The following SHANK2 variants were observed in gnomAD, a reference collection of about 807,000 sequenced individuals.
SHANK2 encodes SH3 and multiple ankyrin repeat domains protein 2.
SHANK2 carries 43 observed loss-of-function variants against 133.7 expected under a neutral mutation model. The observed-to-expected ratio is 0.32, with a 90% CI of 0.25 to 0.41. SHANK2 has a LOEUF of 0.41. Ranked by LOEUF, SHANK2 falls within the 10% of genes least tolerant of loss-of-function variation. The pLI, the probability that SHANK2 is intolerant of heterozygous loss-of-function variation, is 1.00. For missense variants in SHANK2, 1,994 were observed against 2,235.8 expected, an observed-to-expected ratio of 0.89 and a Z score of 2.18; for synonymous variants, 1,017 against 952.8, an observed-to-expected ratio of 1.07 and a Z score of -1.24.
At chr11:70,651,802 G>A (rs1555010193) in intron 17 of SHANK2, among the ~76,000 whole-genome samples, 1 of 152,168 alleles carries the variant, frequency 6.6e-6, no homozygotes, top group Non-Finnish European at 1.5e-5. Context: ...CAGTCACCCT[G>A]GGTTCCTGCT....
At chr11:70,681,099 T>G (rs1333217955) in intron 15 of SHANK2, among the ~76,000 whole-genome samples, 3 of 152,172 alleles carry the variant, frequency 2.0e-5, no homozygotes, top group Non-Finnish European at 4.4e-5. Context: ...CACTGGCTGC[T>G]CGGGGATGCC....
chr11:70,479,350 G>A lies in SHANK2; in HGVS notation c.4980-5911C>T, dbSNP rs1328307064. On this transcript the variant is annotated intron_variant, in intron 25 of 25. Coordinates refer to ENST00000601538, the MANE Select transcript of SHANK2 (RefSeq NM_012309.5). The surrounding 1 kb of genome is among the most constrained non-coding windows in gnomAD (Gnocchi z 4.4). ...AAAGTTATTTGAAAATCAAGAGGCT[G>A]TCAGGATAATACTGCAGAGAGCCCA... Among the ~76,000 whole-genome samples, 1 of 152,210 alleles carries A rather than the reference G, an allele frequency of 6.6e-6. No homozygotes were observed. The highest frequency in any genetic ancestry group is 6.5e-5 in the Admixed American group (1 of 15,272).
At chr11:70,770,074 T>C (rs1947214311) in intron 14 of SHANK2, among the ~76,000 whole-genome samples, 1 of 152,242 alleles carries the variant, frequency 6.6e-6, no homozygotes, top group African/African-American at 2.4e-5. Context: ...CTGGGCCCTC[T>C]GGCTCCCTCT....
At position 70,472,441 on chromosome 11, in the gene SHANK2, C is replaced by A; in HGVS notation, c.*428G>T. On this transcript the variant is annotated 3_prime_UTR_variant, in exon 26 of 26. Transcript: ENST00000601538. The surrounding 1 kb of genome is among the most constrained non-coding windows in gnomAD (Gnocchi z 4.4). The stretch of plus-strand genomic sequence containing the variant: ...ACAGGACTGAGGAAAGGCCTCATGC[C>A]GGGGCCTGGGGTGGTGAGAGCTGCC... 4.0e-6 allele frequency: 1 copy of A among 251,328 alleles called. No homozygotes were observed. The highest frequency in any genetic ancestry group is 5.3e-5 in the South Asian group (1 of 18,742). The allele number at this position is 251,328 out of a possible 1,614,324, so 15.6% of individuals were successfully genotyped here. A position where few individuals can be genotyped will look rare whatever the true frequency, so the allele number is the denominator to read the frequency against.
At chr11:70,594,436 G>A (rs1258351687) in intron 17 of SHANK2, among the ~76,000 whole-genome samples, 1 of 152,172 alleles carries the variant, frequency 6.6e-6, no homozygotes, top group Admixed American at 6.5e-5. Context: ...TTTCTACGTG[G>A]GGTGGGTTCT....
chr11:70,478,319 T>C (rs980141306), intron 25 of SHANK2, among the ~76,000 whole-genome samples: 2 of 152,112 alleles, frequency 1.3e-5, no homozygotes, highest in Non-Finnish European at 2.9e-5. Flanking sequence ...GGCCAGGGGC[T>C]GGTCAGTGAT....
rs142399870 is a variant in SHANK2, at chr11:70,740,850, G to C, written c.1778-42087C>G. 2.0e-5 allele frequency among the ~76,000 whole-genome samples: 3 copies of C among 152,272 alleles called. No homozygotes were observed. In the East Asian group the frequency reaches 5.8e-4, roughly 29 times the overall value. On this transcript the variant is annotated intron_variant, in intron 14 of 25. Coordinates refer to ENST00000601538, the MANE Select transcript of SHANK2 (RefSeq NM_012309.5). ...AAGGCCAGTCTGGTCCTATCCAGCAGATGGGAAAGGGCAGAATCCCTCACT... is the reference window on the plus strand; with the variant it reads ...AAGGCCAGTCTGGTCCTATCCAGCACATGGGAAAGGGCAGAATCCCTCACT...
chr11:71,201,520 T>TGGCGGG (rs1277336910), intron 2 of SHANK2, among the ~76,000 whole-genome samples: 2 of 152,232 alleles, frequency 1.3e-5, no homozygotes, highest in African/African-American at 4.8e-5. Context: ...CGGTCACTGA[T>TGGCGGG]GGCGGTCACC....
At chr11:70,875,822 C>T (rs1590786228) in intron 11 of SHANK2, among the ~76,000 whole-genome samples, 3 of 149,084 alleles carry the variant, frequency 2.0e-5, no homozygotes, top group Admixed American at 1.3e-4. Flanking sequence ...CACTGCTGCA[C>T]ACCAGCTGGG....
chr11:70,844,421 G>A (rs183508217), intron 11 of SHANK2, among the ~76,000 whole-genome samples: 2 of 152,178 alleles, frequency 1.3e-5, no homozygotes, highest in East Asian at 3.9e-4. Context: ...CAGCATTCTC[G>A]ACAAGGGGAT....
chr11:70,541,591 C>A (rs995863622), intron 17 of SHANK2, among the ~76,000 whole-genome samples: 2 of 152,190 alleles, frequency 1.3e-5, no homozygotes, highest in South Asian at 4.1e-4. Context: ...AGATGTGGGG[C>A]GTGGAGCCTG....
intron 3 of SHANK2, among the ~76,000 whole-genome samples, chr11:71,133,282 C>CCGGCCGGA (rs1460413083): frequency 9.4e-6 from 1 of 106,888 alleles, no homozygotes; most frequent in Non-Finnish European, 1.9e-5. Context: ...GGATGGATGG[C>CCGGCCGGA]CGGCCGGACG....
rs190999260 is a variant in SHANK2, at chr11:70,672,352, C to T, written c.1854-10674G>A. On this transcript the variant is annotated intron_variant, in intron 15 of 25. Transcript: ENST00000601538. The stretch of plus-strand genomic sequence containing the variant: ...GTGCTGGGATTACAGGCGTGAGCCA[C>T]CGCACCCAGCCTCCCCATTATAATC... Among the ~76,000 whole-genome samples, 7 of 152,328 alleles carry T rather than the reference C, an allele frequency of 4.6e-5. No homozygotes were observed. In the East Asian group the frequency reaches 1.3e-3, roughly 29 times the overall value.
At chr11:71,113,161 C>A in intron 5 of SHANK2, 132 bp downstream of exon 5, 1 of 837,674 alleles carries the variant, frequency 1.2e-6, no homozygotes, top group South Asian at 1.7e-5. Flanking sequence ...CTGTACATCC[C>A]AGCCCAGCCA....
At position 70,638,341 on chromosome 11, in the gene SHANK2, C is replaced by T. The variant is rs540613504; in HGVS notation, c.2061+21487G>A. Among the ~76,000 whole-genome samples the T allele has an allele frequency of 5.3e-5, 8 of 152,376 alleles. No individual in the cohort carries two copies. In the East Asian group the frequency reaches 1.5e-3, roughly 29 times the overall value. The stretch of plus-strand genomic sequence containing the variant: ...CCCAGGCCACAGACCAGCTGCTGTG[C>T]TGGGCACAATGCTTCTATTGTCACG... On this transcript the variant is annotated intron_variant, in intron 17 of 25. Transcript: ENST00000601538.
At chr11:71,114,368 G>A (rs1306912924) in intron 4 of SHANK2, among the ~76,000 whole-genome samples, 2 of 152,196 alleles carry the variant, frequency 1.3e-5, no homozygotes, top group African/African-American at 4.8e-5. Context: ...TAAAATGATG[G>A]TGCGGGGCAG....
At chr11:70,544,754 C>T (rs1311915057) in intron 17 of SHANK2, among the ~76,000 whole-genome samples, 1 of 152,234 alleles carries the variant, frequency 6.6e-6, no homozygotes, top group African/African-American at 2.4e-5. Flanking sequence ...AAACCGCAGT[C>T]TCACTGCGAC....
intron 11 of SHANK2, among the ~76,000 whole-genome samples, chr11:70,853,052 A>G (rs1301727437): frequency 6.6e-6 from 1 of 152,212 alleles, no homozygotes; most frequent in African/African-American, 2.4e-5. Context: ...GGCCCACTCG[A>G]CAGGCCATCT....
chr11:71,203,956 G>A (rs532116693), intron 2 of SHANK2, among the ~76,000 whole-genome samples: 4 of 152,288 alleles, frequency 2.6e-5, no homozygotes, highest in South Asian at 2.1e-4. Flanking sequence ...CACGGAAAGC[G>A]GGCGCCTGGT....
Sources: allele counts gnomAD v4.1 joint callset (sites outside exome capture counted in the v4.1 genomes callset), GRCh38; gene constraint gnomAD v4.1.1; non-coding constraint Gnocchi (gnomAD v3.1); transcripts MANE v1.5; gene names NCBI Gene and HGNC (gene_info 2026-07-23, HGNC 2026-07-21).